HECTD4: variants seen among roughly 807,000 people sequenced by gnomAD.
The protein encoded by HECTD4 is HECT domain E3 ubiquitin protein ligase 4, also known as probable E3 ubiquitin-protein ligase HECTD4.
A neutral mutation model predicts 471.5 loss-of-function variants in HECTD4; 114 were observed. The observed-to-expected ratio is 0.24, with a 90% confidence interval of 0.21 to 0.28. The LOEUF is 0.28. HECTD4 is among the 10% of genes least tolerant of loss of function. HECTD4 has a pLI of 1.00. For missense variants in HECTD4, 3,866 were observed against 5,651.5 expected (o/e 0.68, Z 10.13); for synonymous variants, 2,012 against 2,256.0 (o/e 0.89, Z 3.07).
Position 112,162,820 on chromosome 12 carries a change from A to G in HECTD4, c.13120+222T>C. The G allele has an allele frequency of 1.8e-6, 1 of 558,854 alleles. No homozygotes were observed. Among genetic ancestry groups the G allele is most frequent in the Non-Finnish European group, 3.1e-6 (1 of 318,760 alleles). 34.6% of individuals were successfully genotyped at this position (558,854 alleles called of 1,614,324 possible). On this transcript the variant is annotated intron_variant, in intron 75 of 75. Coordinates refer to ENST00000682272, the MANE Select transcript of HECTD4 (RefSeq NM_001388303.1). This position sits in a 1 kb window ranked among gnomAD's most constrained non-coding sequence, Gnocchi z 5.2. ...TGCATTTAAAAGTTAGAAGATTTGA[A>G]GCATTCTGGATTTTCAGCTTCTTTT...
chr12:112,235,432 A>C lies in HECTD4; in HGVS notation c.5725+72T>G. On this transcript the variant is annotated intron_variant, in intron 36 of 75. Coordinates refer to ENST00000682272, the MANE Select transcript of HECTD4 (RefSeq NM_001388303.1). This position sits in a 1 kb window ranked among gnomAD's most constrained non-coding sequence, Gnocchi z 5.0. ...CACTCTTTCATCATAGGAAGCACAGATGCAAGGGGGACCTGACTGGGCACA... is the reference window on the plus strand; with the variant it reads ...CACTCTTTCATCATAGGAAGCACAGCTGCAAGGGGGACCTGACTGGGCACA... 1 of 1,531,734 alleles carries C rather than the reference A, an allele frequency of 6.5e-7. No individual in the cohort carries two copies. The allele number at this position is 1,531,734 out of a possible 1,614,324, so 94.9% of individuals were successfully genotyped here. A position where few individuals can be genotyped will look rare whatever the true frequency, so the allele number is the denominator to read the frequency against.
chr12:112,235,119 C>T lies in HECTD4; in HGVS notation c.5873G>A (p.Arg1958Gln), dbSNP rs751314493. The change falls in exon 37 of 76, where the codon CGG (arginine) becomes CAG (glutamine). Residue 1958 changes from arginine to glutamine, a missense_variant. By Grantham distance (43) the Arg-to-Gln change is conservative (BLOSUM62 1). Transcript: ENST00000682272. This position sits in a 1 kb window ranked among gnomAD's most constrained non-coding sequence, Gnocchi z 5.0. ...DGKLSIFIHK[R>Q]EDQSSHEVLQ... ...GACTTCATGGGATGACTGGTCTTCC[C>T]GCTTGTGGATAAATATCGAGAGCTT... 3 of 1,601,172 alleles carry T rather than the reference C, an allele frequency of 1.9e-6. No individual in the cohort carries two copies. The highest frequency in any genetic ancestry group is 1.1e-5 in the South Asian group (1 of 89,214).
chr12:112,197,620 C>G (rs901897886), intron 55 of HECTD4, among the ~76,000 whole-genome samples: 2 of 152,104 alleles, frequency 1.3e-5, no homozygotes, highest in Non-Finnish European at 2.9e-5. Flanking sequence ...CTATGTCTTC[C>G]AATACCAGGA....
At chr12:112,241,316 G>A (rs1470163829) in intron 32 of HECTD4, among the ~76,000 whole-genome samples, 1 of 152,200 alleles carries the variant, frequency 6.6e-6, no homozygotes, top group Non-Finnish European at 1.5e-5. Context: ...TGGGCACCCT[G>A]TGGTTGGCTG....
rs1165148554 is a variant in HECTD4 at position 112,265,182 on chromosome 12, G to A, written c.2612C>T (p.Thr871Ile). 14 of 1,599,152 alleles carry A rather than the reference G, an allele frequency of 8.8e-6. No individual in the cohort carries two copies. The Admixed American group carries it at 2.1e-4, about 24-fold the overall frequency. The change falls in exon 16 of 76, where the codon ACT becomes ATT. Residue 871 changes from threonine (T) to isoleucine (I), a missense_variant. Physicochemically the swap from Thr to Ile is moderately conservative, Grantham distance 89. Transcript: ENST00000682272. Reference sequence around the variant, plus strand: ...AAACACATTTTTACTTACAGGCACAGTTGAAAGGAGCTTTTGAAAATCATC... The same window carrying A: ...AAACACATTTTTACTTACAGGCACAATTGAAAGGAGCTTTTGAAAATCATC... ...SKDDFQKLLS[T>I]VPAASSCLRY... is the part of the protein sequence containing the mutation.
chr12:112,297,140 A>G (rs1202176178), intron 7 of HECTD4, among the ~76,000 whole-genome samples: 158 of 101,460 alleles, frequency 1.6e-3, no homozygotes, highest in Middle Eastern at 0.021. Flanking sequence ...GGGTGTAGGT[A>G]CAGTGGATGT....
At chr12:112,343,762 G>C (rs1172363558) in intron 1 of HECTD4, among the ~76,000 whole-genome samples, 1 of 151,638 alleles carries the variant, frequency 6.6e-6, no homozygotes, top group Admixed American at 6.6e-5. Flanking sequence ...CAGACAGAGA[G>C]ACCCCATCTC....
intron 7 of HECTD4, chr12:112,302,209 C>A (rs1169214833): frequency 2.3e-6 from 3 of 1,312,128 alleles, no homozygotes; most frequent in Non-Finnish European, 3.2e-6. Context: ...CAATCACCAC[C>A]AGCTGAGCTT....
At chr12:112,280,819 CTG>C (rs1365156659) in intron 8 of HECTD4, among the ~76,000 whole-genome samples, 5 of 137,808 alleles carry the variant, frequency 3.6e-5, no homozygotes, top group African/African-American at 1.4e-4. Flanking sequence ...CTGAGTCTCA[CTG>C]TTGTCTGCCT....
intron 54 of HECTD4, chr12:112,201,221 G>A (rs2032418496): frequency 8.2e-6 from 3 of 366,942 alleles, no homozygotes; most frequent in African/African-American, 2.2e-5. Flanking sequence ...AGCCTCCCAA[G>A]TAGCTGGGAC....
At chr12:112,170,508 T>TC in intron 68 of HECTD4, 56 bp from the exon 69 acceptor site, 1 of 1,588,828 alleles carries the variant, frequency 6.3e-7, no homozygotes, top group Non-Finnish European at 8.6e-7. Context: ...TCCTTCCCAG[T>TC]CCCCCCAAGA....
chr12:112,362,712 T>C (rs1337643197), intron 1 of HECTD4, among the ~76,000 whole-genome samples: 3 of 152,110 alleles, frequency 2.0e-5, no homozygotes, highest in Non-Finnish European at 2.9e-5. Context: ...TAAAATTTTT[T>C]TTTTTTTTTG....
intron 1 of HECTD4, among the ~76,000 whole-genome samples, chr12:112,365,568 A>G (rs535130945): frequency 1.3e-5 from 2 of 152,270 alleles, no homozygotes; most frequent in Non-Finnish European, 2.9e-5. Flanking sequence ...TACCAACTGG[A>G]CAGTGCAGTT....
Position 112,184,448 on chromosome 12 carries a change from G to A in HECTD4, c.10518C>T (p.Asp3506=). ...SSQGISQTVS[D]LSVDPLPAGL... is the part of the protein sequence containing the mutation. ...CGGCAGGCAGCGGATCCACAGAGAG[G>A]TCGCTGACGGTTTGGGAGATGCCCT... Residue 3506 remains aspartate (D), a synonymous_variant, in exon 61 of 76, where the codon GAC becomes GAT. Coordinates refer to ENST00000682272, the MANE Select transcript of HECTD4 (RefSeq NM_001388303.1). The surrounding 1 kb of genome is among the most constrained non-coding windows in gnomAD (Gnocchi z 9.1). 1 of 1,605,718 alleles carries A rather than the reference G, an allele frequency of 6.2e-7. No homozygotes were observed. The highest frequency in any genetic ancestry group is 8.5e-7 in the Non-Finnish European group (1 of 1,177,092).
Position 112,190,899 on chromosome 12 carries a change from A to G in HECTD4, c.9359T>C (p.Met3120Thr). ...GGACAGCAGCTGCTCTGCGAAGGCC[A>G]TAGCCAGTGGGAACTCCAGGGGCAG... Reference protein sequence around the residue: ...HSLPLEFPLAMAFAEQLLSWK... With the variant: ...HSLPLEFPLATAFAEQLLSWK... The change falls in exon 60 of 76, where the codon ATG becomes ACG. Residue 3120 changes from methionine (M) to threonine (T), a missense_variant. Transcript: ENST00000682272. 1.9e-6 allele frequency: 3 copies of G among 1,573,676 alleles called. No individual in the cohort carries two copies. The highest frequency in any genetic ancestry group is 1.7e-6 in the Non-Finnish European group (2 of 1,159,714).
intron 2 of HECTD4, 92 bp from the exon 3 acceptor site, chr12:112,314,638 G>A (rs1268078027): frequency 9.6e-6 from 7 of 731,394 alleles, no homozygotes; most frequent in Non-Finnish European, 1.7e-5. Flanking sequence ...ACATGGAAAA[G>A]TTCCAAAATG....
chr12:112,171,060 G>A (rs2031197440), intron 68 of HECTD4, 57 bp downstream of exon 68: 1 of 1,466,014 alleles, frequency 6.8e-7, no homozygotes, highest in African/African-American at 1.4e-5. Flanking sequence ...TCTGGCCCTG[G>A]TGTCTTGCAG....
chr12:112,203,903 G>A (rs12423268), intron 53 of HECTD4, 131 bp from the exon 54 acceptor site: 45,029 of 515,938 alleles, frequency 0.087, 2,224 homozygotes, highest in East Asian at 0.18. Flanking sequence ...ATAGCTCTAC[G>A]GGCTTTAACA....
intron 1 of HECTD4, among the ~76,000 whole-genome samples, chr12:112,334,637 C>CA (rs869292531): frequency 0.059 from 2,689 of 45,252 alleles, 67 homozygotes; most frequent in African/African-American, 0.11. Flanking sequence ...ACTAAAAATA[C>CA]AAAAAAAAAA....
Sources: gnomAD v4.1 joint callset for allele counts (sites outside exome capture counted in the v4.1 genomes callset) on GRCh38, gnomAD v4.1.1 for gene constraint, Gnocchi (gnomAD v3.1) non-coding constraint, MANE v1.5 for transcripts, NCBI Gene and HGNC (gene_info 2026-07-23, HGNC 2026-07-21) for gene names.